LUC7L: variants seen among roughly 807,000 people sequenced by gnomAD.
LUC7L encodes LUC7 like.
A neutral mutation model predicts 51.1 loss-of-function variants in LUC7L; 29 were observed. The observed-to-expected ratio is 0.57, with a 90% CI of 0.42 to 0.77. The LOEUF is 0.77. Ranked by LOEUF, LUC7L falls within the 30% of genes least tolerant of loss-of-function variation. The pLI is 0.00. For missense variants in LUC7L, 403 were observed against 511.9 expected, an observed-to-expected ratio of 0.79 and a Z score of 2.05; for synonymous variants, 181 against 180.7, an observed-to-expected ratio of 1.00 and a Z score of -0.01.
At chr16:226,439 GAATA>G (rs1282672565) in intron 2 of LUC7L, among the ~76,000 whole-genome samples, 1 of 151,976 alleles carries the variant, frequency 6.6e-6, no homozygotes, top group African/African-American at 2.4e-5. Context: ...TTCTTACTTC[GAATA>G]AATGCACATT....
chr16:193,789 G>A lies in LUC7L; in HGVS notation c.688-774C>T, dbSNP rs1346739259. ...ATTACAGGCGTGAGGCACTGCACCCGGCCTCGTTTACATTTACTTTTTTTT... is the reference window on the plus strand; with the variant it reads ...ATTACAGGCGTGAGGCACTGCACCCAGCCTCGTTTACATTTACTTTTTTTT... On this transcript the variant is annotated intron_variant, in intron 6 of 9. Transcript: ENST00000293872. 5.3e-5 allele frequency among the ~76,000 whole-genome samples: 8 copies of A among 150,462 alleles called. 1 individual carries two copies. The highest frequency in any genetic ancestry group is 1.7e-4 in the African/African-American group (7 of 40,656).
At chr16:212,259 C>G (rs2049665251) in intron 3 of LUC7L, among the ~76,000 whole-genome samples, 1 of 152,150 alleles carries the variant, frequency 6.6e-6, no homozygotes, top group Non-Finnish European at 1.5e-5. Flanking sequence ...TGCCATTGCA[C>G]TCCAACCTGG....
chr16:195,500 T>C (rs969119185), intron 6 of LUC7L, among the ~76,000 whole-genome samples: 5 of 152,068 alleles, frequency 3.3e-5, no homozygotes, highest in African/African-American at 1.2e-4. Context: ...CACAGTTCAC[T>C]GCAGCCTTGA....
chr16:202,509 T>C (rs2049364091), intron 5 of LUC7L, among the ~76,000 whole-genome samples: 1 of 152,146 alleles, frequency 6.6e-6, no homozygotes, highest in East Asian at 1.9e-4. Context: ...CGTACACAAA[T>C]ATTTAGGGGC....
intron 6 of LUC7L, among the ~76,000 whole-genome samples, chr16:195,159 G>T (rs992377990): frequency 6.6e-6 from 1 of 152,074 alleles, no homozygotes; most frequent in Non-Finnish European, 1.5e-5. Flanking sequence ...CAGGTACGGT[G>T]GCTCATGCCA....
At chr16:197,030 C>T (rs1252393544) in intron 6 of LUC7L, among the ~76,000 whole-genome samples, 1 of 151,150 alleles carries the variant, frequency 6.6e-6, no homozygotes, top group African/African-American at 2.4e-5. Flanking sequence ...GCCTCGGCCT[C>T]CCGAGTAGCT....
intron 5 of LUC7L, among the ~76,000 whole-genome samples, chr16:205,483 T>C (rs2049456583): frequency 6.6e-6 from 1 of 152,180 alleles, no homozygotes; most frequent in African/African-American, 2.4e-5. Context: ...CCACTGACTG[T>C]GGGCAGATGC....
At chr16:211,081 G>A (rs1440253775) in intron 3 of LUC7L, among the ~76,000 whole-genome samples, 3 of 149,216 alleles carry the variant, frequency 2.0e-5, no homozygotes, top group Non-Finnish European at 4.5e-5. Context: ...CTAAATGGTA[G>A]GCCCAGCACG....
chr16:190,708 C>T (rs571319105), intron 7 of LUC7L, 138 bp from the exon 8 acceptor site: 7 of 742,182 alleles, frequency 9.4e-6, no homozygotes, highest in Admixed American at 4.6e-5. Context: ...GGTGAAACCC[C>T]GTCTCTACTG....
chr16:209,264 G>A (rs2049571416), intron 3 of LUC7L: 1 of 152,234 alleles, frequency 6.6e-6, no homozygotes, highest in African/African-American at 2.4e-5. Flanking sequence ...GCCGAGGCGG[G>A]AGGATCCATG....
rs11248912 is a variant in LUC7L, at chr16:226,453, T to C, written c.156+789A>G. On this transcript the variant is annotated intron_variant, in intron 2 of 9. Transcript: ENST00000293872. ...ATTCTTACTTCGAATAAATGCACATTATACAAAGCTAGCGTTTATCTGTTT... is the reference window on the plus strand; with the variant it reads ...ATTCTTACTTCGAATAAATGCACATCATACAAAGCTAGCGTTTATCTGTTT... Among the ~76,000 whole-genome samples, 1,340 of 152,300 alleles carry C rather than the reference T, an allele frequency of 8.8e-3. 14 individuals are homozygous for C. Among genetic ancestry groups the C allele is most frequent in the African/African-American group, 0.031 (1,291 of 41,556 alleles).
At chr16:204,114 A>G (rs1348535883) in intron 5 of LUC7L, among the ~76,000 whole-genome samples, 2 of 152,150 alleles carry the variant, frequency 1.3e-5, no homozygotes, top group Non-Finnish European at 2.9e-5. Flanking sequence ...AACATGCATG[A>G]GATCTTCACT....
chr16:213,973 CA>C (rs561305648), intron 3 of LUC7L, among the ~76,000 whole-genome samples: 1 of 152,194 alleles, frequency 6.6e-6, no homozygotes, highest in South Asian at 2.1e-4. Flanking sequence ...CTCAGCCTCC[CA>C]AAGTGCTGGG....
intron 7 of LUC7L, chr16:190,861 CAAG>C (rs2048992731): frequency 2.9e-6 from 1 of 340,114 alleles, no homozygotes. Flanking sequence ...GCCTGGGCAA[CAAG>C]AATAAAACTT....
chr16:201,596 C>T (rs544890989), intron 5 of LUC7L, among the ~76,000 whole-genome samples: 33 of 152,198 alleles, frequency 2.2e-4, no homozygotes, highest in South Asian at 2.1e-3. Context: ...CACGCCGCCA[C>T]GCCCGGCCAA....
At chr16:198,260 C>T (rs530094442) in intron 6 of LUC7L, among the ~76,000 whole-genome samples, 9 of 108,356 alleles carry the variant, frequency 8.3e-5, no homozygotes, top group African/African-American at 1.5e-4. Context: ...GCCTGGGCGA[C>T]AGAGCGAGAC....
chr16:199,036 C>A, intron 6 of LUC7L, 26 bp downstream of exon 6: 1 of 1,570,054 alleles, frequency 6.4e-7, no homozygotes, highest in Non-Finnish European at 8.7e-7. Context: ...GACTCCTCAG[C>A]TTTCTCCAGA....
At chr16:191,192 T>C (rs1028452613) in intron 7 of LUC7L, among the ~76,000 whole-genome samples, 3 of 152,158 alleles carry the variant, frequency 2.0e-5, no homozygotes, top group Non-Finnish European at 4.4e-5. Flanking sequence ...CTACAAATGA[T>C]TCTCCAGTCT....
chr16:224,092 C>G (rs1350049322), intron 2 of LUC7L, among the ~76,000 whole-genome samples: 1 of 152,072 alleles, frequency 6.6e-6, no homozygotes. Flanking sequence ...TTAAACTAAT[C>G]AAGGCTTTGT....
Sources: gnomAD v4.1 joint callset for allele counts (sites outside exome capture counted in the v4.1 genomes callset) on GRCh38, gnomAD v4.1.1 for gene constraint, MANE v1.5 for transcripts, NCBI Gene and HGNC (gene_info 2026-07-23, HGNC 2026-07-21) for gene names.